The following USP31 variants were observed in gnomAD, a reference collection of about 807,000 sequenced individuals.
USP31 encodes the protein ubiquitin specific peptidase 31.
USP31 carries 44 observed loss-of-function variants against 119.4 expected under a neutral mutation model. The observed-to-expected ratio is 0.37, with a 90% confidence interval of 0.29 to 0.47. The LOEUF (loss-of-function observed/expected upper bound fraction) is 0.47. Among genes scored for constraint, USP31 ranks in the 20% least tolerant of loss-of-function variants. USP31 has a pLI of 0.99. For missense variants in USP31, 1,643 were observed against 1,730.2 expected, an observed-to-expected ratio of 0.95 and a Z score of 0.89; for synonymous variants, 749 against 705.6, an observed-to-expected ratio of 1.06 and a Z score of -0.97.
intron 1 of USP31, among the ~76,000 whole-genome samples, chr16:23,133,006 G>T (rs1269462712): frequency 6.6e-6 from 1 of 152,178 alleles, no homozygotes. Context: ...ACAAAGAAAA[G>T]AAAGTAAGTG....
intron 1 of USP31, among the ~76,000 whole-genome samples, chr16:23,120,311 G>A (rs1165775159): frequency 6.6e-6 from 1 of 152,128 alleles, no homozygotes; most frequent in Non-Finnish European, 1.5e-5. Flanking sequence ...ATATATTCCT[G>A]TCATGAAACA....
chr16:23,149,404 C>G lies in USP31; in HGVS notation c.-134G>C. 1.0e-6 allele frequency: 1 copy of G among 969,100 alleles called. No homozygotes were observed. Among genetic ancestry groups the G allele is most frequent in the Non-Finnish European group, 1.2e-6 (1 of 816,502 alleles). 60.0% of individuals were successfully genotyped at this position (969,100 alleles called of 1,614,324 possible). A position where few individuals can be genotyped will look rare whatever the true frequency, so the allele number is the denominator to read the frequency against. ...ACGCCCCACACACCTCAAAGCGCAG[C>G]CGAGCCAGCGAGCGAGCGGCGGCCG... On this transcript the variant is annotated 5_prime_UTR_variant, in exon 1 of 16. Transcript: ENST00000219689.
chr16:23,064,145 G>A lies in USP31; in HGVS notation c.*3901C>T, dbSNP rs1899972388. 6.6e-6 allele frequency: 1 copy of A among 152,568 alleles called. No individual in the cohort carries two copies. The highest frequency in any genetic ancestry group is 1.5e-5 in the Non-Finnish European group (1 of 68,026). 9.5% of individuals were successfully genotyped at this position (152,568 alleles called of 1,614,324 possible). A position where few individuals can be genotyped will look rare whatever the true frequency, so the allele number is the denominator to read the frequency against. ...AGAATACGTGTTTTATTGAAACTGTGCTTATGACTTGCATACTATTTCAAA... is the reference window on the plus strand; with the variant it reads ...AGAATACGTGTTTTATTGAAACTGTACTTATGACTTGCATACTATTTCAAA... On this transcript the variant is annotated 3_prime_UTR_variant, in exon 16 of 16. Coordinates refer to ENST00000219689, the MANE Select transcript of USP31 (RefSeq NM_020718.4).
intron 1 of USP31, 107 bp downstream of exon 1, chr16:23,148,531 A>G (rs1903598067): frequency 7.4e-7 from 1 of 1,356,014 alleles, no homozygotes; most frequent in Non-Finnish European, 9.4e-7. Flanking sequence ...GGAGCAACCA[A>G]TGCAGAAGCC....
At chr16:23,089,329 T>C (rs551295290) in intron 7 of USP31, among the ~76,000 whole-genome samples, 2 of 152,260 alleles carry the variant, frequency 1.3e-5, no homozygotes, top group East Asian at 3.9e-4. Context: ...CACTCTATCA[T>C]TCTAGTCTGT....
Position 23,082,831 on chromosome 16 carries a change from C to T in USP31, c.1831-274G>A, listed in dbSNP as rs866006219. On this transcript the variant is annotated intron_variant, in intron 11 of 15. Coordinates refer to ENST00000219689, the MANE Select transcript of USP31 (RefSeq NM_020718.4). ...TAAATATGTTACTTTCTTTCTCTCT[C>T]TTTTTTTTTTTTTTTTTGAAACAGA... is the stretch of plus-strand genomic sequence containing the variant. 6.3e-3 allele frequency among the ~76,000 whole-genome samples: 819 copies of T among 129,244 alleles called. 2 individuals carry two copies. The highest frequency in any genetic ancestry group is 0.029 in the Middle Eastern group (7 of 242). The allele number at this position is 129,244 out of a possible 152,430, so 84.8% of individuals were successfully genotyped here.
intron 15 of USP31, among the ~76,000 whole-genome samples, chr16:23,071,682 TGGC>T: frequency 6.6e-6 from 1 of 151,124 alleles, no homozygotes; most frequent in African/African-American, 2.4e-5. Context: ...CCCCACCACG[TGGC>T]CTGGGCAAAG....
chr16:23,090,560 A>T, intron 7 of USP31, 64 bp downstream of exon 7: 1 of 1,427,750 alleles, frequency 7.0e-7, no homozygotes, highest in Non-Finnish European at 9.3e-7. Flanking sequence ...ATGCTTTTTA[A>T]CATGTTTGAA....
chr16:23,077,578 T>G (rs184538643), intron 13 of USP31, among the ~76,000 whole-genome samples: 3 of 152,130 alleles, frequency 2.0e-5, no homozygotes, highest in South Asian at 4.2e-4. Context: ...ACCCCACCCC[T>G]CCTCCATCTC....
intron 1 of USP31, among the ~76,000 whole-genome samples, chr16:23,122,421 AAC>A (rs971382122): frequency 6.6e-6 from 1 of 152,196 alleles, no homozygotes; most frequent in Non-Finnish European, 1.5e-5. Flanking sequence ...CAAACAATTA[AAC>A]ACAGTTACCA....
Position 23,068,032 on chromosome 16 carries a change from T to A in USP31, c.*14A>T, listed in dbSNP as rs8047644. The A allele has an allele frequency of 1.3e-6, 2 of 1,597,042 alleles. No individual in the cohort carries two copies. Among genetic ancestry groups the A allele is most frequent in the Non-Finnish European group, 1.7e-6 (2 of 1,171,106 alleles). The stretch of plus-strand genomic sequence containing the variant: ...AAACATCTTTACAGATAAAACACTT[T>A]GATTGCAGAAATATCACTGAGGTTT... On this transcript the variant is annotated 3_prime_UTR_variant, in exon 16 of 16. Coordinates refer to ENST00000219689, the MANE Select transcript of USP31 (RefSeq NM_020718.4).
intron 15 of USP31, among the ~76,000 whole-genome samples, chr16:23,071,054 T>G (rs747477425): frequency 2.0e-5 from 3 of 152,200 alleles, no homozygotes; most frequent in Non-Finnish European, 4.4e-5. Context: ...CAAGCAAAGG[T>G]TCACCAGTCA....
chr16:23,132,945 C>T (rs1800525118), intron 1 of USP31, among the ~76,000 whole-genome samples: 1 of 152,172 alleles, frequency 6.6e-6, no homozygotes, highest in African/African-American at 2.4e-5. Context: ...GTCAACACTG[C>T]TTCTAACATA....
chr16:23,099,940 A>T (rs552797635), intron 6 of USP31, among the ~76,000 whole-genome samples: 1 of 152,352 alleles, frequency 6.6e-6, no homozygotes, highest in East Asian at 1.9e-4. Context: ...GCTCAACATC[A>T]TGTCAGTGAC....
rs755662179 is a variant in USP31 at position 23,090,777 on chromosome 16, T to A, written c.1262A>T (p.His421Leu). Reference sequence around the variant, plus strand: ...ATGATAATCCAAGCCAAATTTCAAGTGGTTTAGGTTGTTGTTTAAATGAAT... The same window carrying A: ...ATGATAATCCAAGCCAAATTTCAAGAGGTTTAGGTTGTTGTTTAAATGAAT... ...RGIHLNNNLN[H>L]LKFGLDYHRL... Residue 421 changes from histidine to leucine, a missense_variant, in exon 7 of 16, where the codon CAC (histidine) becomes CTC (leucine). Transcript: ENST00000219689. The A allele has an allele frequency of 1.3e-6, 2 of 1,598,406 alleles. No homozygotes were observed. Among genetic ancestry groups the A allele is most frequent in the East Asian group, 4.5e-5 (2 of 44,634 alleles).
chr16:23,124,659 T>A (rs747029388), intron 1 of USP31, among the ~76,000 whole-genome samples: 4 of 152,182 alleles, frequency 2.6e-5, no homozygotes, highest in African/African-American at 4.8e-5. Context: ...GAGGCTGAGA[T>A]GGGTGGATCA....
chr16:23,137,751 CAA>C (rs1217871478), intron 1 of USP31, among the ~76,000 whole-genome samples: 1 of 147,158 alleles, frequency 6.8e-6, no homozygotes, highest in Non-Finnish European at 1.5e-5. Context: ...TCCAACAAAG[CAA>C]AAAGTTATTA....
chr16:23,145,999 A>C (rs1401911105), intron 1 of USP31, among the ~76,000 whole-genome samples: 2 of 152,178 alleles, frequency 1.3e-5, no homozygotes, highest in African/African-American at 4.8e-5. Context: ...CCTATAAATC[A>C]GTCTCTGTAC....
At chr16:23,123,557 TAAAATAA>T (rs1184200061) in intron 1 of USP31, among the ~76,000 whole-genome samples, 1 of 151,560 alleles carries the variant, frequency 6.6e-6, no homozygotes, top group African/African-American at 2.4e-5. Flanking sequence ...AATAAATAAA[TAAAATAA>T]AAAATAAGAA....
Sources: gnomAD v4.1 joint callset for allele counts (sites outside exome capture counted in the v4.1 genomes callset) on GRCh38, gnomAD v4.1.1 for gene constraint, MANE v1.5 for transcripts, NCBI Gene and HGNC (gene_info 2026-07-23, HGNC 2026-07-21) for gene names.